MXRA5: variants seen among roughly 807,000 people sequenced by gnomAD.
MXRA5 encodes the protein matrix remodeling associated 5.
In MXRA5, 41 loss-of-function variants were observed where a neutral mutation model predicts 112.5. That is an observed-to-expected ratio of 0.36 (90% confidence interval 0.28 to 0.47). The LOEUF is 0.47. Ranked by LOEUF, MXRA5 falls within the 20% of genes least tolerant of loss-of-function variation. The pLI, the probability that MXRA5 is intolerant of heterozygous loss-of-function variation, is 0.99. For synonymous variants in MXRA5, 862 were observed against 900.8 expected, an observed-to-expected ratio of 0.96 and a Z score of 0.77; for missense variants, 2,150 against 2,251.0, an observed-to-expected ratio of 0.96 and a Z score of 0.91.
intron 2 of MXRA5, among the ~76,000 whole-genome samples, chrX:3,341,125 A>G (rs1453193373): frequency 3.4e-3 from 194 of 57,160 alleles, no homozygotes; most frequent in African/African-American, 0.013. Context: ...TATATTATAC[A>G]TAATATATTA....
Position 3,322,595 on chromosome X carries a change from G to A in MXRA5, c.3090C>T (p.Gly1030=), listed in dbSNP as rs1237528129. ...CTGTCAGTCCTTGTAGATGTGATTG[G>A]CCTGGGACACCTGGTTCCCCTATAG... ...DSTIGEPGVP[G]QSHLQGLTDN... Residue 1030 remains glycine (G), a synonymous_variant, in exon 5 of 7, where the codon GGC becomes GGT. Transcript: ENST00000217939. The A allele has an allele frequency of 6.6e-6, 8 of 1,209,763 alleles. No individual in the cohort carries two copies. The Admixed American group carries it at 1.8e-4, about 26-fold the overall frequency.
rs769151500 is a variant in MXRA5, at chrX:3,317,386, A to C, written c.6295T>G (p.Leu2099Val). 8.3e-7 allele frequency: 1 copy of C among 1,208,770 alleles called. No individual in the cohort carries two copies. The highest frequency in any genetic ancestry group is 1.1e-6 in the Non-Finnish European group (1 of 894,357). ...IRPSQFLHGN[L>V]FVFPNGTLYI... ...AGCGTCCCGTTGGGGAAAACAAACA[A>C]GTTCCCGTGGAGGAACTGCGAGGGG... Residue 2099 changes from leucine (L) to valine (V), a missense_variant, in exon 6 of 7, where the codon TTG becomes GTG. Leu to Val is a conservative substitution (Grantham distance 32). Coordinates refer to ENST00000217939, the MANE Select transcript of MXRA5 (RefSeq NM_015419.4).
Position 3,320,547 on chromosome X carries a change from G to C in MXRA5, c.5138C>G (p.Pro1713Arg). ...GNNNIPEARNPVGKPPSPRIP... is the reference protein window; with the variant it reads ...GNNNIPEARNRVGKPPSPRIP... ...TCTTGGACTGGGAGGCTTTCCAACT[G>C]GGTTTCTTGCCTCAGGGATGTTGTT... The change falls in exon 5 of 7, where the codon CCA becomes CGA. Residue 1713 changes from proline to arginine, a missense_variant. Physicochemically the swap from Pro to Arg is moderately radical, Grantham distance 103. Around this residue, in one of 6 missense-constraint regions of MXRA5, gnomAD observed 1,485 missense variants for 1,471.6 expected, o/e 1.01. Coordinates refer to ENST00000217939, the MANE Select transcript of MXRA5 (RefSeq NM_015419.4). 3 of 1,211,913 alleles carry C rather than the reference G, an allele frequency of 2.5e-6. No individual in the cohort carries two copies. The highest frequency in any genetic ancestry group is 3.4e-6 in the Non-Finnish European group (3 of 895,519).
At chrX:3,327,984 T>C (rs2376506) in intron 4 of MXRA5, among the ~76,000 whole-genome samples, 13,302 of 112,350 alleles carry the variant, frequency 0.12, 831 homozygotes, top group East Asian at 0.37. Flanking sequence ...GAGATGGTTC[T>C]TTGCCCAGCA....
intron 2 of MXRA5, 50 bp from the exon 3 acceptor site, chrX:3,330,823 A>C: frequency 1.1e-6 from 1 of 901,087 alleles, no homozygotes; most frequent in Non-Finnish European, 1.5e-6. Flanking sequence ...TAAGAAAATA[A>C]ATAGCGAATA....
At chrX:3,325,212 TA>T (rs752889716) in intron 4 of MXRA5, among the ~76,000 whole-genome samples, 4 of 111,495 alleles carry the variant, frequency 3.6e-5, no homozygotes, top group South Asian at 3.7e-4. Context: ...AATTTTTACT[TA>T]AAAATGTCTT....
At chrX:3,341,110 T>TATATATTATAC in intron 2 of MXRA5, among the ~76,000 whole-genome samples, 2 of 62,467 alleles carry the variant, frequency 3.2e-5, no homozygotes, top group African/African-American at 1.3e-4. Flanking sequence ...CATAATATAA[T>TATATATTATAC]ATAATATATT....
intron 1 of MXRA5, among the ~76,000 whole-genome samples, chrX:3,344,204 A>G (rs1163285617): frequency 1.8e-5 from 2 of 111,025 alleles, no homozygotes; most frequent in Admixed American, 9.6e-5. Context: ...GTTTATATTT[A>G]TGTATCCATA....
intron 4 of MXRA5, among the ~76,000 whole-genome samples, chrX:3,327,996 A>C (rs1921553446): frequency 8.9e-6 from 1 of 112,676 alleles, no homozygotes; most frequent in Admixed American, 9.4e-5. Context: ...TGCCCAGCAA[A>C]GTTTTGTGGG....
chrX:3,332,383 C>T (rs1294729294), intron 2 of MXRA5, among the ~76,000 whole-genome samples: 3 of 110,727 alleles, frequency 2.7e-5, no homozygotes, highest in African/African-American at 6.6e-5. Context: ...TAGCTGGGAC[C>T]ACAGGCGCCC....
chrX:3,324,851 A>C lies in MXRA5; in HGVS notation c.834T>G (p.Pro278=). 1 of 1,211,857 alleles carries C rather than the reference A, an allele frequency of 8.3e-7. No individual in the cohort carries two copies. The highest frequency in any genetic ancestry group is 1.1e-6 in the Non-Finnish European group (1 of 895,562). The change falls in exon 5 of 7, where the codon CCT becomes CCG. Residue 278 remains proline, a synonymous_variant. Coordinates refer to ENST00000217939, the MANE Select transcript of MXRA5 (RefSeq NM_015419.4). The part of the protein sequence containing the change: ...HKLKDMTCLK[P]SIESPLRQNR... ...TCTGTCTCAGAGGGGACTCTATTGA[A>C]GGCTTCAGACAAGTCATGTCCTTCA... is the stretch of plus-strand genomic sequence containing the variant.
chrX:3,316,588 G>T (rs1375861540), intron 6 of MXRA5, among the ~76,000 whole-genome samples: 1 of 105,622 alleles, frequency 9.5e-6, no homozygotes, highest in Non-Finnish European at 1.9e-5. Context: ...ACGATCGCTT[G>T]AACCCAGAAG....
chrX:3,338,378 T>C (rs1262649715), intron 2 of MXRA5, among the ~76,000 whole-genome samples: 1 of 110,605 alleles, frequency 9.0e-6, no homozygotes, highest in Non-Finnish European at 1.9e-5. Flanking sequence ...GATAAATAGA[T>C]AGATAGATAG....
intron 2 of MXRA5, among the ~76,000 whole-genome samples, chrX:3,331,276 T>C (rs1287576276): frequency 9.0e-6 from 1 of 111,530 alleles, no homozygotes; most frequent in African/African-American, 3.3e-5. Flanking sequence ...TCCCTATCTC[T>C]GGGGTCAAGA....
chrX:3,344,026 G>GT (rs899089516), intron 1 of MXRA5, among the ~76,000 whole-genome samples, 165 bp from the exon 2 acceptor site: 1 of 110,554 alleles, frequency 9.0e-6, no homozygotes, highest in Admixed American at 9.7e-5. Flanking sequence ...ATGAAACATG[G>GT]TTTTTTTTCT....
At chrX:3,311,654 G>A in intron 6 of MXRA5, 30 bp from the exon 7 acceptor site, 2 of 1,147,534 alleles carry the variant, frequency 1.7e-6, no homozygotes, top group Non-Finnish European at 2.4e-6. Context: ...GGAGTAAGAT[G>A]TCAGTTTCCC....
At chrX:3,316,785 T>C (rs1921147322) in intron 6 of MXRA5, among the ~76,000 whole-genome samples, 2 of 108,792 alleles carry the variant, frequency 1.8e-5, no homozygotes, top group Non-Finnish European at 3.8e-5. Flanking sequence ...CAAGCAATTC[T>C]CCTGCCTCAG....
intron 4 of MXRA5, among the ~76,000 whole-genome samples, chrX:3,328,720 ATAGGT>A (rs1921570980): frequency 9.5e-6 from 1 of 105,331 alleles, no homozygotes; most frequent in Admixed American, 1.0e-4. Context: ...AAGGATGGGG[ATAGGT>A]TGCAAGGTAG....
chrX:3,327,546 C>T (rs1171753338), intron 4 of MXRA5, among the ~76,000 whole-genome samples: 1 of 112,442 alleles, frequency 8.9e-6, no homozygotes, highest in Non-Finnish European at 1.9e-5. Flanking sequence ...CTAGCCCCTG[C>T]CTCTTTCTAC....
Sources: allele counts gnomAD v4.1 joint callset (sites outside exome capture counted in the v4.1 genomes callset), GRCh38; gene constraint gnomAD v4.1.1; regional missense constraint gnomAD v4.1.1; transcripts MANE v1.5; gene names NCBI Gene and HGNC (gene_info 2026-07-23, HGNC 2026-07-21).